The following HEPH variants were observed in gnomAD, a reference collection of about 807,000 sequenced individuals.
HEPH encodes the protein hephaestin.
HEPH carries 69 observed loss-of-function variants against 80.8 expected under a neutral mutation model. That is an observed-to-expected ratio of 0.85 (90% CI 0.70 to 1.04). HEPH has a LOEUF of 1.04. Among genes scored for constraint, HEPH ranks in the 50% least tolerant of loss-of-function variants. The probability of loss-of-function intolerance (pLI) is 0.00; values close to 1 mark genes in which losing one functional copy is unlikely to be tolerated. For missense variants in HEPH, 1,115 were observed against 891.3 expected, an observed-to-expected ratio of 1.25 and a Z score of -3.20; for synonymous variants, 431 against 322.8, an observed-to-expected ratio of 1.34 and a Z score of -3.60.
At chrX:66,165,645 G>A (rs1373679870) in intron 1 of HEPH, among the ~76,000 whole-genome samples, 2 of 111,438 alleles carry the variant, frequency 1.8e-5, no homozygotes, top group Non-Finnish European at 3.8e-5. Context: ...GGGATGGCAG[G>A]AAGGTAAGGT....
rs1384494279 is a variant in HEPH, at chrX:66,260,202, C to T, written c.3139C>T (p.His1047Tyr). The T allele has an allele frequency of 8.3e-7, 1 of 1,209,273 alleles. No homozygotes were observed. The highest frequency in any genetic ancestry group is 2.2e-5 in the Admixed American group (1 of 45,986). Residue 1047 changes from histidine to tyrosine, a missense_variant, in exon 19 of 21, where the codon CAT (histidine) becomes TAT (tyrosine). By Grantham distance (83) the His-to-Tyr change is moderately conservative. Transcript: ENST00000343002. ...CCCTGGGACATGGCTGATGCACTGCCATGTGACTGACCATGTCCATGCTGG... is the reference window on the plus strand; with the variant it reads ...CCCTGGGACATGGCTGATGCACTGCTATGTGACTGACCATGTCCATGCTGG... Reference protein sequence around the residue: ...SNPGTWLMHCHVTDHVHAGME... With the variant: ...SNPGTWLMHCYVTDHVHAGME...
chrX:66,206,615 C>T lies in HEPH; in HGVS notation c.2292-580C>T, dbSNP rs981545460. On this transcript the variant is annotated intron_variant, in intron 13 of 20. Transcript: ENST00000343002. ...CTCCTGAGCTTAAGCAATCTACCGG[C>T]CTTAGCATCCCAAAGTGCTGAGATT... 2.8e-5 allele frequency among the ~76,000 whole-genome samples: 3 copies of T among 108,457 alleles called. 1 individual carries two copies. The highest frequency in any genetic ancestry group is 5.7e-5 in the Non-Finnish European group (3 of 52,340). The allele number at this position is 108,457 out of a possible 115,157, so 94.2% of individuals were successfully genotyped here.
At chrX:66,217,281 C>A (rs1009877848) in intron 15 of HEPH, among the ~76,000 whole-genome samples, 2 of 110,696 alleles carry the variant, frequency 1.8e-5, no homozygotes, top group Non-Finnish European at 3.8e-5. Context: ...AGTTGGGAGG[C>A]AAAAGCACCA....
chrX:66,262,775 T>G (rs759627900), intron 19 of HEPH, among the ~76,000 whole-genome samples: 6 of 111,255 alleles, frequency 5.4e-5, no homozygotes, highest in Non-Finnish European at 1.1e-4. Flanking sequence ...GGAAAAAAAC[T>G]GAAGGTTTTG....
rs1366901758 is a variant in HEPH, at chrX:66,256,280, G to T, written c.2846G>T (p.Gly949Val). 4.1e-6 allele frequency: 5 copies of T among 1,211,027 alleles called. No homozygotes were observed. The highest frequency in any genetic ancestry group is 2.3e-4 in the Middle Eastern group (1 of 4,343). ...NVATHGSQDP[G>V]SINLQDETFL... ...GCAACCCATGGGTCCCAGGATCCAG[G>T]CAGTATTAACCTACAGGATGAAACT... Residue 949 changes from glycine to valine, a missense_variant, in exon 17 of 21, where the codon GGC (glycine) becomes GTC (valine). Transcript: ENST00000343002.
In HEPH at chrX:66,172,356, G is replaced by A; in HGVS notation, c.169G>A (p.Val57Met). 3 of 1,186,193 alleles carry A rather than the reference G, an allele frequency of 2.5e-6. No individual in the cohort carries two copies. The African/African-American group carries it at 5.3e-5, about 21-fold the overall frequency. The change falls in exon 3 of 21, where the codon GTG becomes ATG. Residue 57 changes from valine to methionine, a missense_variant and splice_region_variant. This residue lies in a region of HEPH where 391 missense variants were observed against 343.6 expected (regional missense o/e 1.14). Transcript: ENST00000343002. ...ATGACTCTTTTTCTTCTTTCCCAGA[G>A]TGGCTTCCAGCTTCTTAAAGTCTGA... ...ITNQPLDSDI[V>M]ASSFLKSDKN...
intron 5 of HEPH, among the ~76,000 whole-genome samples, chrX:66,189,308 C>T (rs1246700551): frequency 2.7e-5 from 3 of 112,136 alleles, no homozygotes; most frequent in Non-Finnish European, 5.6e-5. Context: ...TGACAATTGT[C>T]CTGTGGAAAT....
chrX:66,248,180 A>G (rs990915148), intron 15 of HEPH, among the ~76,000 whole-genome samples: 2 of 111,604 alleles, frequency 1.8e-5, no homozygotes, highest in African/African-American at 3.3e-5. Flanking sequence ...CTAGTACTGT[A>G]GTACCACCTC....
chrX:66,206,335 C>T (rs1277654827), intron 13 of HEPH, among the ~76,000 whole-genome samples: 1 of 49,370 alleles, frequency 2.0e-5, no homozygotes, highest in Admixed American at 2.5e-4. Context: ...AGGAAACCTG[C>T]CATCTTTTTT....
intron 1 of HEPH, chrX:66,169,955 G>A (rs1327451255): frequency 9.0e-6 from 1 of 111,518 alleles, no homozygotes; most frequent in African/African-American, 3.3e-5. Context: ...CATTCATATT[G>A]TTGTGTGTAG....
At chrX:66,242,993 C>A (rs756771637) in intron 15 of HEPH, among the ~76,000 whole-genome samples, 2 of 111,498 alleles carry the variant, frequency 1.8e-5, no homozygotes, top group African/African-American at 3.3e-5. Context: ...ACTGTTTGAC[C>A]CAGCAGTCTC....
intron 4 of HEPH, among the ~76,000 whole-genome samples, chrX:66,180,626 CTT>C (rs750869732): frequency 5.6e-4 from 18 of 32,305 alleles, no homozygotes; most frequent in African/African-American, 1.2e-3. Context: ...CCCAGGTGTT[CTT>C]TTTTTTTTTT....
intron 15 of HEPH, among the ~76,000 whole-genome samples, chrX:66,243,624 G>C (rs1408437048): frequency 8.8e-6 from 1 of 113,014 alleles, no homozygotes; most frequent in Non-Finnish European, 1.9e-5. Context: ...TATCCAACTT[G>C]GCACTTCGTG....
At position 66,202,685 on chromosome X, in the gene HEPH, G is replaced by A. The variant is rs1348775478; in HGVS notation, c.2078-679G>A. On this transcript the variant is annotated intron_variant, in intron 12 of 20. Transcript: ENST00000343002. ...TACTTTATTTCTTTGGTACTTGATAGGAGACAACTCATCAATGTTTTTCTT... is the reference window on the plus strand; with the variant it reads ...TACTTTATTTCTTTGGTACTTGATAAGAGACAACTCATCAATGTTTTTCTT... Among the ~76,000 whole-genome samples, 7 of 109,846 alleles carry A rather than the reference G, an allele frequency of 6.4e-5. 1 individual carries two copies. Among genetic ancestry groups the A allele is most frequent in the Admixed American group, 9.8e-5 (1 of 10,202 alleles).
At chrX:66,242,318 G>A (rs1019099410) in intron 15 of HEPH, among the ~76,000 whole-genome samples, 1 of 111,693 alleles carries the variant, frequency 9.0e-6, no homozygotes, top group Non-Finnish European at 1.9e-5. Flanking sequence ...CTAGCAATAT[G>A]CAGAAGATTG....
rs144363946 is a variant in HEPH at position 66,192,326 on chromosome X, A to G, written c.1232+28A>G. ...AAGAGGCAGTGGGATCCCTCTCTTT[A>G]ATTCTTTAATTGGTCCAGCTCCAAA... On this transcript the variant is annotated intron_variant, in intron 7 of 20. Transcript: ENST00000343002. 804 of 1,131,169 alleles carry G rather than the reference A, an allele frequency of 7.1e-4. 7 individuals carry two copies. The African/African-American group carries it at 0.012, about 17-fold the overall frequency. 93.2% of individuals were successfully genotyped at this position (1,131,169 alleles called of 1,213,427 possible).
chrX:66,254,235 G>A (rs1177152006), intron 15 of HEPH, among the ~76,000 whole-genome samples: 1 of 110,983 alleles, frequency 9.0e-6, no homozygotes, highest in Non-Finnish European at 1.9e-5. Flanking sequence ...CCAAACTAGG[G>A]CAAGAGTAAT....
chrX:66,187,515 C>A (rs1219093221), intron 4 of HEPH, among the ~76,000 whole-genome samples: 1 of 111,735 alleles, frequency 8.9e-6, no homozygotes, highest in Non-Finnish European at 1.9e-5. Flanking sequence ...ATTGTTATCT[C>A]TCTTTTGGGT....
At chrX:66,189,122 T>C (rs1009651809) in intron 5 of HEPH, among the ~76,000 whole-genome samples, 2 of 112,249 alleles carry the variant, frequency 1.8e-5, no homozygotes, top group African/African-American at 6.5e-5. Flanking sequence ...TTGTTTTTGT[T>C]TCATTAAGGA....
Sources: allele counts gnomAD v4.1 joint callset (sites outside exome capture counted in the v4.1 genomes callset), GRCh38; gene constraint gnomAD v4.1.1; regional missense constraint gnomAD v4.1.1; transcripts MANE v1.5; gene names NCBI Gene and HGNC (gene_info 2026-07-23, HGNC 2026-07-21).